Variants in NEK1 observed in about 807,000 individuals in gnomAD.
The protein encoded by NEK1 is serine/threonine-protein kinase Nek1.
In NEK1, 137 loss-of-function variants were observed where a neutral mutation model predicts 182.1. That is an observed-to-expected ratio of 0.75 (90% CI 0.65 to 0.87). The LOEUF (loss-of-function observed/expected upper bound fraction) is 0.87, where lower values mean the gene tolerates loss of function less well. Among genes scored for constraint, NEK1 ranks in the 40% least tolerant of loss-of-function variants. The probability of loss-of-function intolerance (pLI) is 0.00; values close to 1 mark genes in which losing one functional copy is unlikely to be tolerated. For missense variants in NEK1, 1,391 were observed against 1,494.4 expected, an observed-to-expected ratio of 0.93 and a Z score of 1.14; for synonymous variants, 513 against 492.2, an observed-to-expected ratio of 1.04 and a Z score of -0.56.
intron 33 of NEK1, 73 bp downstream of exon 33, chr4:169,401,579 A>T: frequency 7.4e-7 from 1 of 1,344,910 alleles, no homozygotes; most frequent in Non-Finnish European, 1.0e-6. Context: ...CACAGCAGAG[A>T]TTAGAAAAAT....
In NEK1 at chr4:169,602,563, G is replaced by C. The variant is rs759842387; in HGVS notation, c.68C>G (p.Ser23Cys). ...AACATACTGTCTGCCATCTTCTGTA[G>C]ATTTAACAAGAATGGCTTTTCCAAA... ...GSFGKAILVK[S>C]TEDGRQYVIK... The change falls in exon 3 of 36, where the codon TCT becomes TGT. Residue 23 changes from serine (S) to cysteine (C), a missense_variant. By Grantham distance (112) the Ser-to-Cys change is moderately radical. This residue lies in a region of NEK1 where 42 missense variants were observed against 47.9 expected (regional missense o/e 0.88). Coordinates refer to ENST00000507142, the MANE Select transcript of NEK1 (RefSeq NM_001199397.3). 3 of 1,607,826 alleles carry C rather than the reference G, an allele frequency of 1.9e-6. No homozygotes were observed. The highest frequency in any genetic ancestry group is 1.3e-5 in the African/African-American group (1 of 74,676).
Position 169,585,515 on chromosome 4 carries a change from T to C in NEK1, c.641A>G (p.Lys214Arg), listed in dbSNP as rs1309738215. ...EAGSMKNLVL[K>R]IISGSFPPVS... ...AGGTGGAAAAGATCCAGATATTATC[T>C]TCAGTACCAGGTTTTTCATACTGCC... Residue 214 changes from lysine to arginine, a missense_variant, in exon 10 of 36, where the codon AAG becomes AGG. This residue lies in a region of NEK1 where 1,216 missense variants were observed against 1,277.6 expected (regional missense o/e 0.95). Transcript: ENST00000507142. The C allele has an allele frequency of 2.5e-6, 4 of 1,613,246 alleles. No individual in the cohort carries two copies. In the East Asian group the frequency reaches 8.9e-5, roughly 36 times the overall value.
chr4:169,570,489 C>T (rs1457992210), intron 12 of NEK1, among the ~76,000 whole-genome samples: 1 of 150,534 alleles, frequency 6.6e-6, no homozygotes, highest in Non-Finnish European at 1.5e-5. Context: ...CCAGCCGCCC[C>T]GTCCGGAAGG....
At chr4:169,497,527 C>T (rs1453271276) in intron 23 of NEK1, among the ~76,000 whole-genome samples, 3 of 152,196 alleles carry the variant, frequency 2.0e-5, no homozygotes, top group Non-Finnish European at 2.9e-5. Context: ...TTCCTGCTTT[C>T]TCTTGTGGGC....
intron 18 of NEK1, among the ~76,000 whole-genome samples, chr4:169,542,055 G>A (rs1759520437): frequency 6.6e-6 from 1 of 152,030 alleles, no homozygotes; most frequent in African/African-American, 2.4e-5. Context: ...TTTAAGTTCT[G>A]GGGTACATGT....
intron 35 of NEK1, among the ~76,000 whole-genome samples, chr4:169,398,177 T>A (rs963602653): frequency 1.3e-5 from 2 of 152,170 alleles, no homozygotes; most frequent in African/African-American, 4.8e-5. Flanking sequence ...AATCCACAAG[T>A]ACCAGAAAAT....
At chr4:169,521,462 T>C (rs1756025700) in intron 19 of NEK1, among the ~76,000 whole-genome samples, 1 of 151,580 alleles carries the variant, frequency 6.6e-6, no homozygotes, top group Admixed American at 6.6e-5. Flanking sequence ...AAATCACCCG[T>C]CTTCTGCGTC....
At chr4:169,465,529 C>G (rs542152682) in intron 26 of NEK1, among the ~76,000 whole-genome samples, 1 of 152,150 alleles carries the variant, frequency 6.6e-6, no homozygotes, top group East Asian at 1.9e-4. Flanking sequence ...TACTTGAGTA[C>G]TGATCAGCAT....
chr4:169,502,611 A>AAC (rs1752596944), intron 23 of NEK1, among the ~76,000 whole-genome samples: 1 of 152,162 alleles, frequency 6.6e-6, no homozygotes, highest in Non-Finnish European at 1.5e-5. Flanking sequence ...TCCCCACATA[A>AAC]ACAGAATTTT....
chr4:169,435,293 G>A (rs1457815325), intron 28 of NEK1, among the ~76,000 whole-genome samples: 1 of 152,112 alleles, frequency 6.6e-6, no homozygotes, highest in Admixed American at 6.5e-5. Context: ...TCCCATTAAT[G>A]AGGGCGCCAC....
chr4:169,596,143 C>A (rs1271099415), intron 5 of NEK1, among the ~76,000 whole-genome samples: 1 of 152,014 alleles, frequency 6.6e-6, no homozygotes, highest in Non-Finnish European at 1.5e-5. Flanking sequence ...GAGAATGTAT[C>A]GGGCTCAGTT....
chr4:169,536,554 G>A (rs1378908321), intron 19 of NEK1, among the ~76,000 whole-genome samples: 1 of 151,734 alleles, frequency 6.6e-6, no homozygotes, highest in Non-Finnish European at 1.5e-5. Flanking sequence ...AAATTCACCA[G>A]CAGACCACCA....
intron 23 of NEK1, among the ~76,000 whole-genome samples, chr4:169,499,406 A>G (rs1751996114): frequency 6.6e-6 from 1 of 152,132 alleles, no homozygotes; most frequent in South Asian, 2.1e-4. Flanking sequence ...TCAACTCGTC[A>G]AAGTCATTCT....
chr4:169,428,492 T>C (rs934246552), intron 29 of NEK1, among the ~76,000 whole-genome samples: 13 of 151,752 alleles, frequency 8.6e-5, no homozygotes, highest in Admixed American at 3.9e-4. Context: ...ATATACTATA[T>C]GATTCTGTAA....
At chr4:169,590,604 A>G (rs1035223393) in intron 6 of NEK1, 122 bp downstream of exon 6, 26 of 600,864 alleles carry the variant, frequency 4.3e-5, no homozygotes, top group Non-Finnish European at 7.0e-5. Flanking sequence ...ATAGGATAAA[A>G]AGGAAGAGAC....
intron 7 of NEK1, among the ~76,000 whole-genome samples, chr4:169,588,987 C>T (rs1028600880): frequency 6.6e-6 from 1 of 152,150 alleles, no homozygotes; most frequent in Non-Finnish European, 1.5e-5. Flanking sequence ...CAGAAATGTG[C>T]TAGGTCTTCA....
At chr4:169,588,909 T>C (rs747764433) in intron 7 of NEK1, among the ~76,000 whole-genome samples, 174 bp from the exon 8 acceptor site, 3 of 152,106 alleles carry the variant, frequency 2.0e-5, no homozygotes, top group Non-Finnish European at 4.4e-5. Flanking sequence ...TGTAGAGCAA[T>C]TACTTTATTT....
chr4:169,611,438 T>C (rs1253643160), intron 2 of NEK1, among the ~76,000 whole-genome samples: 1 of 152,186 alleles, frequency 6.6e-6, no homozygotes, highest in Non-Finnish European at 1.5e-5. Flanking sequence ...ACAATACTGC[T>C]GCATCATAAA....
At chr4:169,403,523 T>C (rs557001348) in intron 32 of NEK1, among the ~76,000 whole-genome samples, 20 of 152,158 alleles carry the variant, frequency 1.3e-4, no homozygotes, top group South Asian at 2.1e-4. Flanking sequence ...TGAACTATGA[T>C]TGCAGCACTG....
Sources: allele counts gnomAD v4.1 joint callset (sites outside exome capture counted in the v4.1 genomes callset), GRCh38; gene constraint gnomAD v4.1.1; regional missense constraint gnomAD v4.1.1; transcripts MANE v1.5; gene names NCBI Gene and HGNC (gene_info 2026-07-23, HGNC 2026-07-21).